MAML2: variants seen among roughly 807,000 people sequenced by gnomAD.
MAML2 encodes the protein mastermind-like protein 2.
In MAML2, 22 loss-of-function variants were observed where a neutral mutation model predicts 96.1. That is an observed-to-expected ratio of 0.23 (90% CI 0.16 to 0.33). The LOEUF is 0.33. MAML2 is among the 10% of genes least tolerant of loss of function. The pLI, the probability that MAML2 is intolerant of heterozygous loss-of-function variation, is 1.00. For missense variants in MAML2, 1,367 were observed against 1,392.4 expected, an observed-to-expected ratio of 0.98 and a Z score of 0.29; for synonymous variants, 561 against 521.3, an observed-to-expected ratio of 1.08 and a Z score of -1.04.
chr11:96,041,583 A>G (rs1298663812), intron 2 of MAML2, among the ~76,000 whole-genome samples: 1 of 152,142 alleles, frequency 6.6e-6, no homozygotes, highest in Non-Finnish European at 1.5e-5. Context: ...TATTCAAGCA[A>G]AACTTGAAGA....
At chr11:96,002,477 G>C (rs1197796945) in intron 2 of MAML2, among the ~76,000 whole-genome samples, 1 of 152,160 alleles carries the variant, frequency 6.6e-6, no homozygotes, top group South Asian at 2.1e-4. Flanking sequence ...GGAAAGAAAA[G>C]TTAGTGGTGA....
chr11:96,239,583 T>G (rs1228864045), intron 1 of MAML2, among the ~76,000 whole-genome samples: 1 of 140,552 alleles, frequency 7.1e-6, no homozygotes, highest in Non-Finnish European at 1.6e-5. Context: ...TTTATGTTTT[T>G]GAATTCAAAG....
chr11:96,330,742 TTAGCTAGACTGG>T (rs1863842073), intron 1 of MAML2, among the ~76,000 whole-genome samples: 1 of 152,200 alleles, frequency 6.6e-6, no homozygotes, highest in Non-Finnish European at 1.5e-5. Flanking sequence ...CATCTCCCAA[TTAGCTAGACTGG>T]CTTCCTTACA....
intron 1 of MAML2, among the ~76,000 whole-genome samples, chr11:96,171,063 T>C (rs2135900271): frequency 6.6e-6 from 1 of 152,182 alleles, no homozygotes; most frequent in East Asian, 1.9e-4. Flanking sequence ...TGCAGACTAG[T>C]TGAGCCCTGG....
chr11:95,990,385 G>A (rs1439678837), intron 3 of MAML2, among the ~76,000 whole-genome samples: 1 of 151,970 alleles, frequency 6.6e-6, no homozygotes, highest in African/African-American at 2.4e-5. Context: ...TACCTTGGCA[G>A]GCATAATATG....
intron 1 of MAML2, among the ~76,000 whole-genome samples, chr11:96,255,556 G>A (rs1209099578): frequency 6.6e-6 from 1 of 152,152 alleles, no homozygotes. Flanking sequence ...CTGGTTATTT[G>A]GGTTGTGTTC....
rs565429375 is a variant in MAML2, at chr11:96,247,211, CA to C, written c.513+94171del. Among the ~76,000 whole-genome samples, 236 of 146,842 alleles carry C rather than the reference CA, an allele frequency of 1.6e-3. 1 individual carries two copies. Among genetic ancestry groups the C allele is most frequent in the South Asian group, 4.1e-3 (19 of 4,664 alleles). On this transcript the variant is annotated intron_variant, in intron 1 of 4. Transcript: ENST00000524717. Reference sequence around the variant, plus strand: ...AAGTATATATCAGATTCAGACCATGCAAAAAAAAAATAAGTAAACCTTCAGA... The same window carrying C: ...AAGTATATATCAGATTCAGACCATGCAAAAAAAAATAAGTAAACCTTCAGA...
intron 1 of MAML2, among the ~76,000 whole-genome samples, chr11:96,118,385 G>GT (rs956257329): frequency 9.2e-5 from 14 of 152,140 alleles, no homozygotes; most frequent in Non-Finnish European, 1.9e-4. Context: ...AGGTTTAAAA[G>GT]TGAAACTCCT....
chr11:95,984,573 C>T (rs1030971676), intron 4 of MAML2, among the ~76,000 whole-genome samples: 2 of 152,264 alleles, frequency 1.3e-5, no homozygotes, highest in Admixed American at 6.5e-5. Flanking sequence ...CAGGCACGTG[C>T]GACTGAGCCC....
chr11:96,282,911 A>C (rs1292553107), intron 1 of MAML2, among the ~76,000 whole-genome samples: 1 of 152,094 alleles, frequency 6.6e-6, no homozygotes, highest in Non-Finnish European at 1.5e-5. Flanking sequence ...ATTTTCTTCC[A>C]CTTATATTTT....
chr11:96,170,444 T>C (rs1462051790), intron 1 of MAML2, among the ~76,000 whole-genome samples: 1 of 152,226 alleles, frequency 6.6e-6, no homozygotes, highest in Non-Finnish European at 1.5e-5. Flanking sequence ...TCAGTGAGTT[T>C]ATTCAGTCTT....
chr11:95,989,454 C>A (rs1024230685), intron 3 of MAML2, among the ~76,000 whole-genome samples: 1 of 152,180 alleles, frequency 6.6e-6, no homozygotes, highest in African/African-American at 2.4e-5. Flanking sequence ...CAGGCCAGGA[C>A]CCTCATGGAA....
intron 1 of MAML2, among the ~76,000 whole-genome samples, chr11:96,223,154 G>A (rs1862163892): frequency 6.6e-6 from 1 of 152,008 alleles, no homozygotes; most frequent in Non-Finnish European, 1.5e-5. Context: ...TATGAAAACT[G>A]TCATTATAAC....
chr11:95,989,665 CAG>C (rs1857881234), intron 3 of MAML2, among the ~76,000 whole-genome samples: 1 of 123,446 alleles, frequency 8.1e-6, no homozygotes, highest in Non-Finnish European at 1.6e-5. Context: ...GGGAAGGGAA[CAG>C]GGGGGAGGAC....
intron 1 of MAML2, among the ~76,000 whole-genome samples, chr11:96,265,764 T>G (rs1283016677): frequency 6.6e-6 from 1 of 152,148 alleles, no homozygotes; most frequent in Non-Finnish European, 1.5e-5. Flanking sequence ...AACACAGAGT[T>G]TGGCTGGGGC....
intron 1 of MAML2, 43 bp from the exon 2 acceptor site, chr11:96,093,560 A>G: frequency 1.6e-6 from 2 of 1,284,332 alleles, no homozygotes; most frequent in Non-Finnish European, 2.2e-6. Context: ...AAGAAATATG[A>G]ATCCAATGAT....
At chr11:96,199,322 TA>T (rs1861782252) in intron 1 of MAML2, among the ~76,000 whole-genome samples, 1 of 151,286 alleles carries the variant, frequency 6.6e-6, no homozygotes, top group South Asian at 2.1e-4. Flanking sequence ...AGCCCCATGA[TA>T]AGGTGGGCAG....
At chr11:96,266,540 C>T (rs1056563603) in intron 1 of MAML2, among the ~76,000 whole-genome samples, 1 of 151,524 alleles carries the variant, frequency 6.6e-6, no homozygotes, top group East Asian at 1.9e-4. Flanking sequence ...CACTGCACTC[C>T]ACCCTGGGCA....
At chr11:96,013,810 G>C (rs1049036563) in intron 2 of MAML2, among the ~76,000 whole-genome samples, 5 of 152,178 alleles carry the variant, frequency 3.3e-5, no homozygotes, top group African/African-American at 9.7e-5. Flanking sequence ...CATCTGCTGA[G>C]AGCTACTTCC....
Sources: gnomAD v4.1 joint callset for allele counts (sites outside exome capture counted in the v4.1 genomes callset) on GRCh38, gnomAD v4.1.1 for gene constraint, MANE v1.5 for transcripts, NCBI Gene and HGNC (gene_info 2026-07-23, HGNC 2026-07-21) for gene names.